LINGO2: variants seen among roughly 807,000 people sequenced by gnomAD.
LINGO2 encodes the protein leucine rich repeat and Ig domain containing 2.
LINGO2 carries 14 observed loss-of-function variants against 30.6 expected under a neutral mutation model. The observed-to-expected ratio is 0.46, with a 90% confidence interval of 0.30 to 0.72. LINGO2 has a LOEUF of 0.72. Ranked by LOEUF, LINGO2 falls within the 30% of genes least tolerant of loss-of-function variation. The pLI, the probability that LINGO2 is intolerant of heterozygous loss-of-function variation, is 0.07. For synonymous variants in LINGO2, 317 were observed against 288.5 expected (o/e 1.10, Z -1.00); for missense variants, 729 against 751.7 (o/e 0.97, Z 0.35).
intron 1 of LINGO2, among the ~76,000 whole-genome samples, chr9:28,615,076 T>G (rs1163136551): frequency 1.3e-5 from 2 of 152,118 alleles, no homozygotes; most frequent in Non-Finnish European, 2.9e-5. Context: ...ATTTTAAATT[T>G]TCTGTACCCT....
chr9:28,848,093 ACG>A, the LINGO2 span, among the ~76,000 whole-genome samples: 1 of 71,438 alleles, frequency 1.4e-5, no homozygotes, highest in African/African-American at 6.2e-5. Context: ...CACTATATAT[ACG>A]CATAGTGTAT....
At chr9:28,422,889 T>G (rs959423208) in intron 2 of LINGO2, among the ~76,000 whole-genome samples, 3 of 152,058 alleles carry the variant, frequency 2.0e-5, no homozygotes, top group African/African-American at 7.2e-5. Flanking sequence ...TGGATAAACT[T>G]TGAAGACATC....
intron 4 of LINGO2, among the ~76,000 whole-genome samples, chr9:28,286,334 A>G (rs537543580): frequency 1.5e-3 from 225 of 152,332 alleles, no homozygotes; most frequent in African/African-American, 5.3e-3. Flanking sequence ...GTTGTGGAGA[A>G]AAAGGAATGC....
At chr9:27,971,241 C>A (rs1317164603) in intron 5 of LINGO2, among the ~76,000 whole-genome samples, 1 of 151,442 alleles carries the variant, frequency 6.6e-6, no homozygotes, top group Non-Finnish European at 1.5e-5. Context: ...CTGTTTCCAT[C>A]TTTCCTTCTA....
At chr9:28,576,899 C>T (rs568526894) in intron 1 of LINGO2, among the ~76,000 whole-genome samples, 19 of 152,256 alleles carry the variant, frequency 1.2e-4, no homozygotes, top group Non-Finnish European at 2.6e-4. Context: ...CCCATGACTT[C>T]TTCTAATATT....
intron 1 of LINGO2, among the ~76,000 whole-genome samples, chr9:28,521,624 A>G (rs967514467): frequency 6.6e-6 from 1 of 152,226 alleles, no homozygotes; most frequent in Non-Finnish European, 1.5e-5. Context: ...GAAAGAAACT[A>G]GAATATGCAA....
At chr9:28,800,411 C>A in the LINGO2 span, among the ~76,000 whole-genome samples, 5 of 151,994 alleles carry the variant, frequency 3.3e-5, no homozygotes, top group Non-Finnish European at 7.4e-5. Flanking sequence ...TTCTTAGTTA[C>A]CTCTCTAGAG....
At chr9:28,982,845 T>C in the LINGO2 span, among the ~76,000 whole-genome samples, 27 of 152,134 alleles carry the variant, frequency 1.8e-4, no homozygotes, top group Middle Eastern at 3.4e-3. Context: ...ACCAATAATA[T>C]ATAACTAAGC....
At chr9:28,091,733 C>T (rs989641206) in intron 4 of LINGO2, among the ~76,000 whole-genome samples, 2 of 152,082 alleles carry the variant, frequency 1.3e-5, no homozygotes, top group African/African-American at 2.4e-5. Flanking sequence ...TTCTGCAGAG[C>T]AAGAGAAACT....
intron 4 of LINGO2, among the ~76,000 whole-genome samples, chr9:28,027,599 T>G (rs1823446047): frequency 6.6e-6 from 1 of 152,164 alleles, no homozygotes; most frequent in African/African-American, 2.4e-5. Context: ...TTTCACCACT[T>G]TCTTAGTAAT....
the LINGO2 span, among the ~76,000 whole-genome samples, chr9:28,975,814 T>C: frequency 6.6e-6 from 1 of 152,174 alleles, no homozygotes; most frequent in African/African-American, 2.4e-5. Flanking sequence ...ATTTCAGAAG[T>C]AGTTACAATG....
intron 1 of LINGO2, among the ~76,000 whole-genome samples, chr9:28,497,752 C>G (rs189786142): frequency 6.6e-6 from 1 of 152,122 alleles, no homozygotes; most frequent in Admixed American, 6.5e-5. Flanking sequence ...TTAGAATTTT[C>G]AGCTTTTCTG....
the LINGO2 span, among the ~76,000 whole-genome samples, chr9:28,775,223 T>G: frequency 6.6e-6 from 1 of 152,102 alleles, no homozygotes; most frequent in Non-Finnish European, 1.5e-5. Flanking sequence ...TCCCGGTGTT[T>G]TGGTTGTGAA....
At chr9:28,214,638 A>C (rs914856078) in intron 4 of LINGO2, among the ~76,000 whole-genome samples, 3 of 151,546 alleles carry the variant, frequency 2.0e-5, no homozygotes, top group Non-Finnish European at 3.0e-5. Flanking sequence ...ATAGCTCTAT[A>C]ATAGGGGAAT....
At chr9:28,684,219 T>G in the LINGO2 span, among the ~76,000 whole-genome samples, 4 of 140,360 alleles carry the variant, frequency 2.8e-5, no homozygotes, top group East Asian at 9.1e-4. Context: ...ATGGAGTCTT[T>G]CTCTGTCGCC....
chr9:28,135,880 ACTAT>A (rs1827503514), intron 4 of LINGO2, among the ~76,000 whole-genome samples: 1 of 151,866 alleles, frequency 6.6e-6, no homozygotes, highest in South Asian at 2.1e-4. Context: ...CTCAAACACA[ACTAT>A]CTCATTATTT....
rs538078417 is a variant in LINGO2, at chr9:28,050,461, T to C, written c.-86-38056A>G. ...AATCTAAAAACTCTTCAAAAGCTAT[T>C]AATGTCATTCAAGAAAAACCACTGG... On this transcript the variant is annotated intron_variant, in intron 4 of 5. Transcript: ENST00000379992. Among the ~76,000 whole-genome samples, 4 of 150,898 alleles carry C rather than the reference T, an allele frequency of 2.7e-5. No individual in the cohort carries two copies. In the East Asian group the frequency reaches 5.9e-4, roughly 22 times the overall value.
chr9:28,942,604 T>C, the LINGO2 span, among the ~76,000 whole-genome samples: 5 of 152,190 alleles, frequency 3.3e-5, no homozygotes, highest in African/African-American at 1.2e-4. Context: ...TGAAGTACGA[T>C]GCCCAGGAAA....
At chr9:28,539,262 G>A (rs1821572521) in intron 1 of LINGO2, among the ~76,000 whole-genome samples, 1 of 152,012 alleles carries the variant, frequency 6.6e-6, no homozygotes, top group African/African-American at 2.4e-5. Context: ...GTTACAGAAT[G>A]GTAGATATTT....
Sources: allele counts gnomAD v4.1 joint callset (sites outside exome capture counted in the v4.1 genomes callset), GRCh38; gene constraint gnomAD v4.1.1; transcripts MANE v1.5; gene names NCBI Gene and HGNC (gene_info 2026-07-23, HGNC 2026-07-21).